Variants in KDM2A observed in about 807,000 individuals in gnomAD.
KDM2A encodes lysine demethylase 2A.
A neutral mutation model predicts 137.3 loss-of-function variants in KDM2A; 3 were observed. The ratio of observed to expected loss-of-function variants is 0.02; its 90% CI spans 0.01 to 0.06. The LOEUF (loss-of-function observed/expected upper bound fraction) is 0.06. KDM2A is among the 10% of genes least tolerant of loss of function. The pLI is 1.00. For synonymous variants in KDM2A, 512 were observed against 541.5 expected, an observed-to-expected ratio of 0.95 and a Z score of 0.76; for missense variants, 738 against 1,510.6, an observed-to-expected ratio of 0.49 and a Z score of 8.48.
At chr11:67,144,316 GACCTCTGCTC>G (rs1856194384) in intron 2 of KDM2A, among the ~76,000 whole-genome samples, 1 of 142,076 alleles carries the variant, frequency 7.0e-6, no homozygotes, top group Non-Finnish European at 1.5e-5. Context: ...GCAGTGGGGT[GACCTCTGCTC>G]ACTGCACCCT....
chr11:67,253,720 A>C, intron 19 of KDM2A, 109 bp downstream of exon 19: 1 of 1,135,508 alleles, frequency 8.8e-7, no homozygotes, highest in East Asian at 2.4e-5. Flanking sequence ...CTGTGGAAGA[A>C]TAGAAGAGCA....
At chr11:67,188,302 G>A (rs965266406) in intron 5 of KDM2A, among the ~76,000 whole-genome samples, 1 of 152,004 alleles carries the variant, frequency 6.6e-6, no homozygotes. Flanking sequence ...CTAACACGGT[G>A]AAACCCCGTC....
At chr11:67,122,911 G>A (rs1161237270) in intron 2 of KDM2A, among the ~76,000 whole-genome samples, 3 of 150,952 alleles carry the variant, frequency 2.0e-5, no homozygotes, top group African/African-American at 7.3e-5. Context: ...TCCTGACCTT[G>A]TGATCTGCCC....
At chr11:67,253,384 C>A in intron 18 of KDM2A, 69 bp from the exon 19 acceptor site, 1 of 1,413,162 alleles carries the variant, frequency 7.1e-7, no homozygotes, top group South Asian at 1.2e-5. Context: ...TCACTTTGCT[C>A]AGATCGTTAC....
intron 6 of KDM2A, among the ~76,000 whole-genome samples, chr11:67,209,870 G>C (rs1379511738): frequency 3.9e-5 from 6 of 152,106 alleles, no homozygotes; most frequent in African/African-American, 1.4e-4. Context: ...AGACCAGCCT[G>C]GTTAACATAG....
chr11:67,138,521 C>T (rs1015116059), intron 2 of KDM2A, among the ~76,000 whole-genome samples: 1 of 152,168 alleles, frequency 6.6e-6, no homozygotes, highest in African/African-American at 2.4e-5. Flanking sequence ...TGGCTCACAC[C>T]TGTAATCCCA....
intron 2 of KDM2A, among the ~76,000 whole-genome samples, chr11:67,157,345 A>G (rs903726529): frequency 1.8e-4 from 27 of 150,814 alleles, no homozygotes; most frequent in African/African-American, 5.6e-4. Flanking sequence ...AAAACACCAC[A>G]CAGTTGGCAA....
chr11:67,137,415 C>T (rs1855992196), intron 2 of KDM2A, among the ~76,000 whole-genome samples: 1 of 152,046 alleles, frequency 6.6e-6, no homozygotes, highest in Admixed American at 6.6e-5. Context: ...TCAGGTAAGA[C>T]AATGATGTGG....
chr11:67,138,409 G>A (rs902150407), intron 2 of KDM2A, among the ~76,000 whole-genome samples: 1 of 152,132 alleles, frequency 6.6e-6, no homozygotes, highest in East Asian at 1.9e-4. Flanking sequence ...CACCTACAAG[G>A]TTCTTAGTTC....
chr11:67,239,518 C>T (rs1456993615), intron 12 of KDM2A, among the ~76,000 whole-genome samples: 2 of 152,056 alleles, frequency 1.3e-5, no homozygotes, highest in African/African-American at 2.4e-5. Context: ...AGCAAGTCAG[C>T]GAGGGCAGGT....
chr11:67,153,465 C>T (rs1190768910), intron 2 of KDM2A, among the ~76,000 whole-genome samples: 1 of 152,042 alleles, frequency 6.6e-6, no homozygotes. Context: ...CTATCTAGAG[C>T]CATTTTCTGG....
At chr11:67,200,725 T>G (rs80029537) in intron 5 of KDM2A, among the ~76,000 whole-genome samples, 2 of 151,686 alleles carry the variant, frequency 1.3e-5, no homozygotes, top group Non-Finnish European at 2.9e-5. Context: ...CAGGCTGGTT[T>G]AGAACTCCTG....
chr11:67,238,544 C>T (rs1858935736), intron 12 of KDM2A, among the ~76,000 whole-genome samples: 1 of 152,136 alleles, frequency 6.6e-6, no homozygotes, highest in Non-Finnish European at 1.5e-5. Flanking sequence ...ACCATATAAG[C>T]ATTTCCAGGA....
intron 2 of KDM2A, among the ~76,000 whole-genome samples, chr11:67,171,930 C>T (rs1217799165): frequency 6.6e-6 from 1 of 152,244 alleles, no homozygotes; most frequent in South Asian, 2.1e-4. Flanking sequence ...ACCACCCAGT[C>T]TTGATTACTA....
Position 67,231,954 on chromosome 11 carries a change from T to C in KDM2A, c.1473T>C (p.Asp491=). The change falls in exon 12 of 21, where the codon GAT becomes GAC. Residue 491 remains aspartate, a synonymous_variant. Transcript: ENST00000529006. ...GIEDEDALIA[D]VKILLEELAN... The stretch of plus-strand genomic sequence containing the variant: ...AAGATGAAGATGCTCTCATTGCTGA[T>C]GTAAAGGTAAGGGTTTGATGTGTTA... 1.2e-6 allele frequency: 2 copies of C among 1,611,002 alleles called. No individual in the cohort carries two copies. Among genetic ancestry groups the C allele is most frequent in the Non-Finnish European group, 1.7e-6 (2 of 1,178,464 alleles).
intron 6 of KDM2A, 92 bp from the exon 7 acceptor site, chr11:67,215,248 A>T: frequency 1.4e-6 from 1 of 717,736 alleles, no homozygotes; most frequent in Admixed American, 2.6e-5. Context: ...TTTGTTATGT[A>T]TTTTAAGAAA....
At chr11:67,161,050 CTGAGT>C (rs1856625163) in intron 2 of KDM2A, among the ~76,000 whole-genome samples, 3 of 152,126 alleles carry the variant, frequency 2.0e-5, no homozygotes, top group South Asian at 4.2e-4. Flanking sequence ...TCCTTTTTGC[CTGAGT>C]TAACTGTGGA....
rs79860428 is a variant in KDM2A at position 67,256,066 on chromosome 11, G to A, written c.*1011G>A. 857 of 160,644 alleles carry A rather than the reference G, an allele frequency of 5.3e-3. 3 individuals carry two copies. The highest frequency in any genetic ancestry group is 0.02 in the African/African-American group (835 of 41,630). The allele number at this position is 160,644 out of a possible 1,614,324, so 10.0% of individuals were successfully genotyped here. ...CGGAGCCCCCTGAGCCCAGGCCTGT[G>A]TCTAGCCCCAGTGGCTCACTGAACT... On this transcript the variant is annotated 3_prime_UTR_variant, in exon 21 of 21. Coordinates refer to ENST00000529006, the MANE Select transcript of KDM2A (RefSeq NM_012308.3).
Position 67,254,052 on chromosome 11 carries a change from G to T in KDM2A, c.3092-151G>T. The T allele has an allele frequency of 1.5e-6, 1 of 646,782 alleles. No homozygotes were observed. Among genetic ancestry groups the T allele is most frequent in the East Asian group, 2.7e-5 (1 of 36,612 alleles). 40.1% of individuals were successfully genotyped at this position (646,782 alleles called of 1,614,324 possible). A position where few individuals can be genotyped will look rare whatever the true frequency, so the allele number is the denominator to read the frequency against. On this transcript the variant is annotated intron_variant, in intron 19 of 20. Coordinates refer to ENST00000529006, the MANE Select transcript of KDM2A (RefSeq NM_012308.3). This position sits in a 1 kb window ranked among gnomAD's most constrained non-coding sequence, Gnocchi z 4.7. ...TTCCTAGAAACTGCCTACACCCAGT[G>T]CTCACACCCTGAAGGCATGGCTGGG...
Sources: gnomAD v4.1 joint callset for allele counts (sites outside exome capture counted in the v4.1 genomes callset) on GRCh38, gnomAD v4.1.1 for gene constraint, Gnocchi (gnomAD v3.1) non-coding constraint, MANE v1.5 for transcripts, NCBI Gene and HGNC (gene_info 2026-07-23, HGNC 2026-07-21) for gene names.